The following RNF4 variants were observed in gnomAD, a reference collection of about 807,000 sequenced individuals.
RNF4 encodes ring finger protein 4, also known as E3 ubiquitin-protein ligase RNF4.
A neutral mutation model predicts 24.3 loss-of-function variants in RNF4; 7 were observed. That is an observed-to-expected ratio of 0.29 (90% CI 0.16 to 0.54). RNF4 has a LOEUF of 0.54. Ranked by LOEUF, RNF4 falls within the 20% of genes least tolerant of loss-of-function variation. The pLI is 0.95. For synonymous variants in RNF4, 83 were observed against 84.3 expected, an observed-to-expected ratio of 0.98 and a Z score of 0.09; for missense variants, 209 against 248.5, an observed-to-expected ratio of 0.84 and a Z score of 1.07.
chr4:2,498,184 T>C (rs1292111391), intron 3 of RNF4, among the ~76,000 whole-genome samples: 2 of 151,926 alleles, frequency 1.3e-5, no homozygotes, highest in Non-Finnish European at 1.5e-5. Context: ...GAGCACTGTT[T>C]TGTTTTTGTT....
At chr4:2,471,512 T>A (rs1400785565) in intron 1 of RNF4, among the ~76,000 whole-genome samples, 1 of 152,210 alleles carries the variant, frequency 6.6e-6, no homozygotes, top group African/African-American at 2.4e-5. Context: ...GTTGAATCTC[T>A]CTTACTTTAA....
intron 2 of RNF4, among the ~76,000 whole-genome samples, chr4:2,492,985 G>T (rs1386408792): frequency 6.6e-6 from 1 of 152,192 alleles, no homozygotes; most frequent in Non-Finnish European, 1.5e-5. Flanking sequence ...AGGATGGTCA[G>T]TTTTCACCAA....
intron 3 of RNF4, chr4:2,499,311 G>C (rs1434262663): frequency 2.2e-6 from 1 of 451,148 alleles, no homozygotes; most frequent in Non-Finnish European, 4.4e-6. Flanking sequence ...TTGTTTTTGA[G>C]ATGGAGTTTT....
chr4:2,482,869 C>T (rs536879327), intron 1 of RNF4, among the ~76,000 whole-genome samples: 3 of 152,248 alleles, frequency 2.0e-5, no homozygotes, highest in East Asian at 1.9e-4. Flanking sequence ...GGCTGTGTGC[C>T]GGCTTTCTTC....
Position 2,513,906 on chromosome 4 carries a change from A to G in RNF4, c.*87A>G. 6.4e-7 allele frequency: 1 copy of G among 1,565,686 alleles called. No homozygotes were observed. Among genetic ancestry groups the G allele is most frequent in the Non-Finnish European group, 8.7e-7 (1 of 1,145,554 alleles). ...ATCTGCCTCCATTTTCCTGAGATCA[A>G]AAAGACTGTTTCGAAACCAACATCT... On this transcript the variant is annotated 3_prime_UTR_variant, in exon 8 of 8. Coordinates refer to ENST00000314289, the MANE Select transcript of RNF4 (RefSeq NM_002938.5).
chr4:2,483,303 G>A (rs1339198456), intron 1 of RNF4, among the ~76,000 whole-genome samples: 1 of 152,162 alleles, frequency 6.6e-6, no homozygotes, highest in East Asian at 1.9e-4. Context: ...TTCCACAGAG[G>A]TGAGGTGTTC....
intron 2 of RNF4, among the ~76,000 whole-genome samples, chr4:2,493,275 G>A (rs898087213): frequency 6.6e-6 from 1 of 152,126 alleles, no homozygotes; most frequent in African/African-American, 2.4e-5. Flanking sequence ...AGGCAGGGAA[G>A]AAGCTCTGGT....
intron 4 of RNF4, among the ~76,000 whole-genome samples, chr4:2,508,606 GT>G (rs1355852883): frequency 6.6e-6 from 1 of 151,936 alleles, no homozygotes; most frequent in Non-Finnish European, 1.5e-5. Context: ...TTTGTTTTTT[GT>G]TTTTGTTTTG....
At chr4:2,469,633 C>T (rs956910210) in intron 1 of RNF4, 1 of 152,228 alleles carries the variant, frequency 6.6e-6, no homozygotes, top group Non-Finnish European at 1.5e-5. Flanking sequence ...GGTTTTTGTT[C>T]CCCGCTGACG....
At chr4:2,499,466 G>A in intron 3 of RNF4, 2 of 327,762 alleles carry the variant, frequency 6.1e-6, no homozygotes, top group South Asian at 4.4e-5. Context: ...AGTAGAAACG[G>A]AGTTTCTCCA....
intron 3 of RNF4, 65 bp from the exon 4 acceptor site, chr4:2,500,594 T>C: frequency 6.6e-7 from 1 of 1,515,808 alleles, no homozygotes; most frequent in East Asian, 2.3e-5. Context: ...CATACTAAAG[T>C]GTAGAGGGAT....
At chr4:2,505,171 C>G (rs1736041295) in intron 4 of RNF4, 1 of 152,130 alleles carries the variant, frequency 6.6e-6, no homozygotes, top group Admixed American at 6.6e-5. Context: ...CTACGTTTTC[C>G]CAATGCAAAC....
At chr4:2,469,506 A>G (rs775864901) in intron 1 of RNF4, 2 of 152,202 alleles carry the variant, frequency 1.3e-5, no homozygotes, top group African/African-American at 4.8e-5. Flanking sequence ...GGCCGCGGCC[A>G]TGGGGCTTAG....
chr4:2,512,949 C>T lies in RNF4; in HGVS notation c.375-134C>T. The T allele has an allele frequency of 5.8e-6, 5 of 863,292 alleles. No homozygotes were observed. The highest frequency in any genetic ancestry group is 9.4e-6 in the Non-Finnish European group (5 of 529,208). 53.5% of individuals were successfully genotyped at this position (863,292 alleles called of 1,614,324 possible). ...GCAGTTGGCTTTCCTGAAAGTCTCT[C>T]GGATGCCCGCGCTAAGGCAGAGTCA... On this transcript the variant is annotated intron_variant, in intron 6 of 7. Transcript: ENST00000314289. The surrounding 1 kb of genome is among the most constrained non-coding windows in gnomAD (Gnocchi z 4.1).
chr4:2,502,854 AAAAAG>A (rs1189324521), intron 4 of RNF4, among the ~76,000 whole-genome samples: 10 of 151,426 alleles, frequency 6.6e-5, no homozygotes, highest in Non-Finnish European at 5.9e-5. Context: ...AAAAAAAAAA[AAAAAG>A]AAAAGAAAAG....
intron 1 of RNF4, among the ~76,000 whole-genome samples, chr4:2,473,376 C>T (rs775417124): frequency 1.3e-5 from 2 of 150,076 alleles, no homozygotes; most frequent in Non-Finnish European, 2.9e-5. Flanking sequence ...AGTGAGATTC[C>T]GTCTTAAAAA....
At chr4:2,491,258 A>G (rs1484136949) in intron 2 of RNF4, among the ~76,000 whole-genome samples, 1 of 152,092 alleles carries the variant, frequency 6.6e-6, no homozygotes, top group East Asian at 1.9e-4. Context: ...TGTTTTTGAA[A>G]CAGGGTCTCG....
intron 2 of RNF4, 137 bp downstream of exon 2, chr4:2,490,639 G>A: frequency 1.2e-6 from 1 of 858,470 alleles, no homozygotes; most frequent in East Asian, 2.7e-5. Context: ...ATGTATAGGA[G>A]CTTTCTGGTG....
rs145104971 is a variant in RNF4, at chr4:2,513,678, G to A, written c.432G>A (p.Gln144=). The A allele has an allele frequency of 3.7e-5, 59 of 1,613,936 alleles. No individual in the cohort carries two copies. The African/African-American group carries it at 6.1e-4, about 17-fold the overall frequency. ...TTTTTAATGCCTTCTAGATCGTGCA[G>A]AATGGACGTCTCATCGTTTCCACAG... ...ICMDGYSEIV[Q]NGRLIVSTEC... The change falls in exon 8 of 8, where the codon CAG becomes CAA. Residue 144 remains glutamine (Q), a synonymous_variant. Transcript: ENST00000314289.
Sources: allele counts gnomAD v4.1 joint callset (sites outside exome capture counted in the v4.1 genomes callset), GRCh38; gene constraint gnomAD v4.1.1; non-coding constraint Gnocchi (gnomAD v3.1); transcripts MANE v1.5; gene names NCBI Gene and HGNC (gene_info 2026-07-23, HGNC 2026-07-21).